The following PAX5 variants were observed in gnomAD, a reference collection of about 807,000 sequenced individuals.
PAX5 encodes paired box protein Pax-5.
In PAX5, 9 loss-of-function variants were observed where a neutral mutation model predicts 43.7. The ratio of observed to expected loss-of-function variants is 0.21; its 90% CI spans 0.12 to 0.36. The LOEUF is 0.36. Among genes scored for constraint, PAX5 ranks in the 10% least tolerant of loss-of-function variants. The pLI is 1.00. For missense variants in PAX5, 383 were observed against 532.7 expected (o/e 0.72, Z 2.77); for synonymous variants, 228 against 214.3 (o/e 1.06, Z -0.56).
At chr9:36,841,322 T>C (rs2131570094) in intron 9 of PAX5, among the ~76,000 whole-genome samples, 1 of 152,360 alleles carries the variant, frequency 6.6e-6, no homozygotes, top group East Asian at 1.9e-4. Flanking sequence ...ACCTATGGGG[T>C]AGGCACAGTT....
At chr9:36,865,151 A>G (rs777678854) in intron 8 of PAX5, among the ~76,000 whole-genome samples, 63 of 152,272 alleles carry the variant, frequency 4.1e-4, no homozygotes, top group African/African-American at 1.2e-3. Context: ...AGAGCCCCCT[A>G]TTTGGAAACA....
chr9:36,917,518 A>T (rs1032838059), intron 7 of PAX5, among the ~76,000 whole-genome samples: 2 of 152,238 alleles, frequency 1.3e-5, no homozygotes, highest in Non-Finnish European at 2.9e-5. Flanking sequence ...AATTTGTAAA[A>T]AGCTCTATGT....
At chr9:36,973,403 G>T (rs1835144139) in intron 5 of PAX5, among the ~76,000 whole-genome samples, 1 of 152,268 alleles carries the variant, frequency 6.6e-6, no homozygotes, top group East Asian at 1.9e-4. Flanking sequence ...ACAGAGCTGG[G>T]GTGACTGGCA....
chr9:36,884,702 A>G (rs1488485371), intron 7 of PAX5, among the ~76,000 whole-genome samples: 1 of 152,264 alleles, frequency 6.6e-6, no homozygotes, highest in Non-Finnish European at 1.5e-5. Context: ...ACCCAAGATT[A>G]TAATCAGCTG....
intron 6 of PAX5, among the ~76,000 whole-genome samples, chr9:36,944,567 C>T (rs1588044785): frequency 6.6e-6 from 1 of 152,154 alleles, no homozygotes; most frequent in African/African-American, 2.4e-5. Flanking sequence ...AGCTGGTTCA[C>T]GACCTCACAG....
intron 7 of PAX5, among the ~76,000 whole-genome samples, chr9:36,894,248 ACATGTTTG>A (rs142133732): frequency 6.6e-6 from 1 of 152,262 alleles, no homozygotes; most frequent in Non-Finnish European, 1.5e-5. Flanking sequence ...TATTCCCATC[ACATGTTTG>A]CCCAGCACCT....
intron 5 of PAX5, among the ~76,000 whole-genome samples, chr9:36,968,074 C>A (rs903534973): frequency 1.3e-5 from 2 of 152,174 alleles, no homozygotes; most frequent in African/African-American, 4.8e-5. Context: ...CTCTCTGGGA[C>A]CATATTGCTC....
intron 7 of PAX5, among the ~76,000 whole-genome samples, chr9:36,922,385 C>T (rs771326207): frequency 2.6e-5 from 4 of 152,230 alleles, no homozygotes; most frequent in Non-Finnish European, 5.9e-5. Context: ...GGCCCGCCAG[C>T]CCCTTGTCTA....
intron 6 of PAX5, among the ~76,000 whole-genome samples, chr9:36,958,178 G>A (rs1833655214): frequency 6.6e-6 from 1 of 152,120 alleles, no homozygotes. Flanking sequence ...TCATCCATAA[G>A]ACAAGCTCTA....
chr9:37,030,502 C>G (rs1217753461), intron 1 of PAX5, among the ~76,000 whole-genome samples: 1 of 152,238 alleles, frequency 6.6e-6, no homozygotes, highest in East Asian at 1.9e-4. Flanking sequence ...CGGCTCTCAA[C>G]GCAGTCGGGC....
intron 3 of PAX5, among the ~76,000 whole-genome samples, 154 bp downstream of exon 3, chr9:37,014,843 C>A (rs931580995): frequency 6.6e-6 from 1 of 152,092 alleles, no homozygotes; most frequent in Non-Finnish European, 1.5e-5. Flanking sequence ...TAACAGAGAC[C>A]GAGCAGGCCC....
At chr9:36,923,527 G>T in intron 6 of PAX5, 43 bp from the exon 7 acceptor site, 1 of 1,577,768 alleles carries the variant, frequency 6.3e-7, no homozygotes. Context: ...AGACTCCACA[G>T]TACCTTAGTC....
intron 2 of PAX5, among the ~76,000 whole-genome samples, chr9:37,017,487 G>A (rs1487504476): frequency 6.6e-6 from 1 of 152,132 alleles, no homozygotes. Context: ...ACCAGGCCAG[G>A]CATTTTCACA....
intron 6 of PAX5, among the ~76,000 whole-genome samples, chr9:36,952,747 A>G (rs1833117990): frequency 6.6e-6 from 1 of 152,132 alleles, no homozygotes; most frequent in African/African-American, 2.4e-5. Flanking sequence ...GTACCTTCTA[A>G]TAGAATATTC....
chr9:36,881,935 G>T (rs766894200), intron 8 of PAX5, 69 bp downstream of exon 8: 15 of 1,136,584 alleles, frequency 1.3e-5, no homozygotes, highest in Middle Eastern at 2.4e-4. Flanking sequence ...AGGCTGTTTG[G>T]GGGGGGATGT....
Position 36,960,324 on chromosome 9 carries a change from C to A in PAX5, c.780+6225G>T, listed in dbSNP as rs552360659. On this transcript the variant is annotated intron_variant, in intron 6 of 9. Transcript: ENST00000358127. ...ATTCACACGTTCATGCACATACACA[C>A]ATGCACACGCCAGCCCTGGGAGAGG... is the stretch of plus-strand genomic sequence containing the variant. Among the ~76,000 whole-genome samples the A allele has an allele frequency of 5.9e-5, 9 of 152,334 alleles. No individual in the cohort carries two copies. In the South Asian group the frequency reaches 1.0e-3, roughly 18 times the overall value.
chr9:36,950,214 T>A (rs1011270567), intron 6 of PAX5, among the ~76,000 whole-genome samples: 16 of 152,186 alleles, frequency 1.1e-4, no homozygotes, highest in Admixed American at 9.8e-4. Context: ...AATGAAAACA[T>A]CACCAATTCT....
At chr9:36,851,142 C>T (rs962303474) in intron 8 of PAX5, among the ~76,000 whole-genome samples, 7 of 152,210 alleles carry the variant, frequency 4.6e-5, no homozygotes, top group African/African-American at 1.7e-4. Context: ...GCACCTACAT[C>T]ATAGGATTGG....
At chr9:36,930,463 T>G (rs1544093) in intron 6 of PAX5, among the ~76,000 whole-genome samples, 126,699 of 152,088 alleles carry the variant, frequency 0.83, 53,148 homozygotes, top group East Asian at 0.92. Flanking sequence ...CTGAGCTCAA[T>G]TGATCCACCC....
Sources: gnomAD v4.1 joint callset for allele counts (sites outside exome capture counted in the v4.1 genomes callset) on GRCh38, gnomAD v4.1.1 for gene constraint, MANE v1.5 for transcripts, NCBI Gene and HGNC (gene_info 2026-07-23, HGNC 2026-07-21) for gene names.